Variants in PTPRK observed in about 807,000 individuals in gnomAD.
PTPRK encodes the protein receptor-type tyrosine-protein phosphatase kappa.
In PTPRK, 75 loss-of-function variants were observed where a neutral mutation model predicts 178.0. The ratio of observed to expected loss-of-function variants is 0.42; its 90% CI spans 0.35 to 0.51. The LOEUF is 0.51. PTPRK is among the 20% of genes least tolerant of loss of function. PTPRK has a pLI of 0.02. For synonymous variants in PTPRK, 637 were observed against 620.6 expected (o/e 1.03, Z -0.39); for missense variants, 1,441 against 1,797.8 (o/e 0.80, Z 3.59).
At chr6:128,159,125 C>T (rs922942806) in intron 7 of PTPRK, among the ~76,000 whole-genome samples, 1 of 151,668 alleles carries the variant, frequency 6.6e-6, no homozygotes, top group Non-Finnish European at 1.5e-5. Context: ...TCTTTTATAT[C>T]TGAAGGGTTG....
chr6:128,478,966 T>C (rs1851709532), intron 1 of PTPRK, among the ~76,000 whole-genome samples: 1 of 152,102 alleles, frequency 6.6e-6, no homozygotes. Context: ...CCTCAGCCAG[T>C]GCTCCTGGGC....
intron 1 of PTPRK, among the ~76,000 whole-genome samples, chr6:128,472,984 A>G (rs1028162434): frequency 1.3e-5 from 2 of 152,058 alleles, no homozygotes; most frequent in African/African-American, 4.8e-5. Flanking sequence ...TTCTTCTTTT[A>G]TTTTAAAATT....
At chr6:127,995,638 C>T (rs1397359613) in intron 17 of PTPRK, 100 bp from the exon 18 acceptor site, 2 of 696,394 alleles carry the variant, frequency 2.9e-6, no homozygotes, top group Non-Finnish European at 4.8e-6. Context: ...TGCCCATAGT[C>T]TATCCATAGT....
At chr6:128,021,919 T>C (rs959711546) in intron 13 of PTPRK, among the ~76,000 whole-genome samples, 4 of 152,232 alleles carry the variant, frequency 2.6e-5, no homozygotes, top group African/African-American at 7.2e-5. Context: ...CTAAGAATTA[T>C]ATGAGATAAT....
chr6:128,108,069 A>AACACACAC lies in PTPRK; in HGVS notation c.1163-18085_1163-18078dup, dbSNP rs67513455. On this transcript the variant is annotated intron_variant, in intron 7 of 29. Coordinates refer to ENST00000368226, the MANE Select transcript of PTPRK (RefSeq NM_002844.4). ...AACAAACCAAATCCCTAAATAGCAA[A>AACACACAC]ACACACACACACACACACACACACA... Among the ~76,000 whole-genome samples the AACACACAC allele has an allele frequency of 3.2e-3, 430 of 133,844 alleles. 2 individuals carry two copies. The highest frequency in any genetic ancestry group is 8.1e-3 in the African/African-American group (285 of 35,068). The allele number at this position is 133,844 out of a possible 152,430, so 87.8% of individuals were successfully genotyped here.
intron 7 of PTPRK, among the ~76,000 whole-genome samples, chr6:128,142,548 C>T (rs777681578): frequency 1.3e-5 from 2 of 150,956 alleles, no homozygotes; most frequent in African/African-American, 4.9e-5. Context: ...AAAATATATA[C>T]ATAATATATA....
At position 127,973,030 on chromosome 6, in the gene PTPRK, C is replaced by G; in HGVS notation, c.4261G>C (p.Glu1421Gln). ...TLRNSKPNMV[E>Q]APEQYRFCYD... ...AAGATTCTGTGACTCACCGGGGCTTCCACCATGTTTGGCTTGCTGTTCCTC... is the reference window on the plus strand; with the variant it reads ...AAGATTCTGTGACTCACCGGGGCTTGCACCATGTTTGGCTTGCTGTTCCTC... The change falls in exon 29 of 30, where the codon GAA becomes CAA. Residue 1421 changes from glutamate (E) to glutamine (Q), a missense_variant. Physicochemically the swap from Glu to Gln is conservative, Grantham distance 29 (BLOSUM62 2). Transcript: ENST00000368226. 6.2e-7 allele frequency: 1 copy of G among 1,613,998 alleles called. No individual in the cohort carries two copies. Among genetic ancestry groups the G allele is most frequent in the South Asian group, 1.1e-5 (1 of 91,080 alleles).
chr6:128,147,397 T>G (rs1307629579), intron 7 of PTPRK, among the ~76,000 whole-genome samples: 1 of 152,160 alleles, frequency 6.6e-6, no homozygotes, highest in Non-Finnish European at 1.5e-5. Context: ...TAGCAAAACT[T>G]TAATTCTTCT....
chr6:128,023,640 C>T (rs17055223), intron 13 of PTPRK, among the ~76,000 whole-genome samples: 25,720 of 151,902 alleles, frequency 0.17, 2,589 homozygotes, highest in African/African-American at 0.26. Context: ...TAAAACAGAA[C>T]TATTCGATCT....
intron 3 of PTPRK, among the ~76,000 whole-genome samples, chr6:128,284,198 C>T (rs1822108888): frequency 6.6e-6 from 1 of 152,140 alleles, no homozygotes; most frequent in Non-Finnish European, 1.5e-5. Flanking sequence ...CTCTCAATTC[C>T]CAAAGCACCT....
At chr6:128,051,241 T>C (rs1778952740) in intron 13 of PTPRK, among the ~76,000 whole-genome samples, 1 of 152,216 alleles carries the variant, frequency 6.6e-6, no homozygotes, top group Non-Finnish European at 1.5e-5. Flanking sequence ...AGGTTTCCTC[T>C]GATAAATAAA....
chr6:128,505,172 C>T (rs556506871), intron 1 of PTPRK, among the ~76,000 whole-genome samples: 5 of 149,084 alleles, frequency 3.4e-5, no homozygotes, highest in African/African-American at 1.2e-4. Flanking sequence ...GGCGAAATCT[C>T]GGCTCGCTGC....
chr6:128,058,950 C>A (rs9491909), intron 13 of PTPRK, among the ~76,000 whole-genome samples: 46 of 152,000 alleles, frequency 3.0e-4, no homozygotes, highest in African/African-American at 1.1e-3. Context: ...CTCTTCCCTA[C>A]AGTTTTACCT....
At chr6:128,276,295 T>C (rs1820718389) in intron 3 of PTPRK, among the ~76,000 whole-genome samples, 2 of 152,122 alleles carry the variant, frequency 1.3e-5, no homozygotes, top group South Asian at 4.1e-4. Context: ...ATATTGTCTT[T>C]GACCACAGAA....
At chr6:128,051,542 T>A (rs1365592327) in intron 13 of PTPRK, among the ~76,000 whole-genome samples, 1 of 152,176 alleles carries the variant, frequency 6.6e-6, no homozygotes, top group Non-Finnish European at 1.5e-5. Flanking sequence ...ATATTAACTA[T>A]CGTTTATAAG....
Position 128,088,397 on chromosome 6 carries a change from G to A in PTPRK, c.1465+1293C>T, listed in dbSNP as rs180723532. 5.2e-3 allele frequency among the ~76,000 whole-genome samples: 784 copies of A among 150,164 alleles called. 6 individuals carry two copies. Among genetic ancestry groups the A allele is most frequent in the Non-Finnish European group, 6.6e-3 (442 of 67,432 alleles). On this transcript the variant is annotated intron_variant, in intron 8 of 29. Coordinates refer to ENST00000368226, the MANE Select transcript of PTPRK (RefSeq NM_002844.4). ...TTCAAAAAAAAAAAAGAAAAGAAAA[G>A]AAAAAAAATGTAGCCCTACTGTCAA...
At chr6:128,459,653 G>A (rs1401801348) in intron 1 of PTPRK, among the ~76,000 whole-genome samples, 2 of 152,082 alleles carry the variant, frequency 1.3e-5, no homozygotes, top group Admixed American at 6.6e-5. Flanking sequence ...AAACCTTCAT[G>A]GGCTGCCATT....
Position 128,019,895 on chromosome 6 carries a change from G to A in PTPRK, c.2195-10627C>T, listed in dbSNP as rs145913097. Among the ~76,000 whole-genome samples the A allele has an allele frequency of 1.6e-4, 25 of 152,248 alleles. No homozygotes were observed. In the East Asian group the frequency reaches 4.8e-3, roughly 29 times the overall value. ...TCTGAAGAAGACACGGAGGTAGATG[G>A]TGTGGGTTTTTTTAAGTTGAGGAAC... On this transcript the variant is annotated intron_variant, in intron 13 of 29. Transcript: ENST00000368226.
At chr6:128,481,890 A>G (rs1469964657) in intron 1 of PTPRK, among the ~76,000 whole-genome samples, 2 of 152,114 alleles carry the variant, frequency 1.3e-5, no homozygotes, top group African/African-American at 2.4e-5. Flanking sequence ...AAACAAGCAC[A>G]CTACAAAGGC....
Sources: gnomAD v4.1 joint callset for allele counts (sites outside exome capture counted in the v4.1 genomes callset) on GRCh38, gnomAD v4.1.1 for gene constraint, MANE v1.5 for transcripts, NCBI Gene and HGNC (gene_info 2026-07-23, HGNC 2026-07-21) for gene names.